Variants in PRR5 observed in about 807,000 individuals in gnomAD.
The protein encoded by PRR5 is proline rich 5, also known as proline-rich protein 5.
In PRR5, 25 loss-of-function variants were observed where a neutral mutation model predicts 30.6. The observed-to-expected ratio is 0.82, with a 90% CI of 0.60 to 1.14. The LOEUF (loss-of-function observed/expected upper bound fraction) is 1.14. PRR5 is among the 50% of genes most tolerant of loss of function. The pLI is 0.00. For synonymous variants in PRR5, 286 were observed against 247.1 expected, an observed-to-expected ratio of 1.16 and a Z score of -1.48; for missense variants, 600 against 547.1, an observed-to-expected ratio of 1.10 and a Z score of -0.96.
intron 1 of PRR5, among the ~76,000 whole-genome samples, chr22:44,687,901 A>C (rs1366001158): frequency 6.6e-6 from 1 of 151,854 alleles, no homozygotes; most frequent in East Asian, 2.0e-4. Flanking sequence ...CAGCCCCCCG[A>C]GTAGCTGGGA....
intron 1 of PRR5, 24 bp from the exon 2 acceptor site, chr22:44,714,567 G>A: frequency 1.2e-6 from 2 of 1,611,612 alleles, no homozygotes; most frequent in Middle Eastern, 3.3e-4. Context: ...CAGGACTGCA[G>A]TGTTTTCTTC....
At chr22:44,701,517 C>T (rs1389081782), upstream of PRR5, among the ~76,000 whole-genome samples, 1 of 152,256 alleles carries the variant, frequency 6.6e-6, no homozygotes, top group Non-Finnish European at 1.5e-5. Context: ...GCAGGAAGCA[C>T]CGGCTGTGCC....
At chr22:44,706,765 C>G (rs1031831592) in intron 1 of PRR5, among the ~76,000 whole-genome samples, 2 of 151,970 alleles carry the variant, frequency 1.3e-5, no homozygotes, top group Non-Finnish European at 2.9e-5. Flanking sequence ...TGACCTCAAG[C>G]AATCCACCTG....
At chr22:44,675,404 T>G (rs1252031381), upstream of PRR5, among the ~76,000 whole-genome samples, 1 of 152,212 alleles carries the variant, frequency 6.6e-6, no homozygotes, top group Non-Finnish European at 1.5e-5. Flanking sequence ...GTTCTGCTTT[T>G]TTCACTCGGT....
chr22:44,678,284 T>G (rs1285288167), intron 1 of PRR5, among the ~76,000 whole-genome samples: 4 of 141,480 alleles, frequency 2.8e-5, no homozygotes, highest in Admixed American at 1.3e-4. Context: ...CTAGTCTGAT[T>G]TTTTTTTGTC....
chr22:44,696,865 T>A (rs938787449), intron 1 of PRR5, among the ~76,000 whole-genome samples: 10 of 152,130 alleles, frequency 6.6e-5, no homozygotes, highest in African/African-American at 2.4e-4. Context: ...GCCTCCCTAG[T>A]AGCTGGGACT....
At chr22:44,684,033 TG>T (rs886665956) in intron 1 of PRR5, among the ~76,000 whole-genome samples, 2 of 152,046 alleles carry the variant, frequency 1.3e-5, no homozygotes, top group East Asian at 3.9e-4. Flanking sequence ...CCGGACTGGG[TG>T]GGGGTGTCGA....
At chr22:44,682,716 A>C (rs193232348) in intron 1 of PRR5, among the ~76,000 whole-genome samples, 1 of 152,320 alleles carries the variant, frequency 6.6e-6, no homozygotes, top group Admixed American at 6.5e-5. Context: ...TCGCAGAGAC[A>C]ATCATGGTAC....
Position 44,691,198 on chromosome 22 carries a change from G to A in PRR5, c.-10-11294G>A, listed in dbSNP as rs1925207004. The stretch of plus-strand genomic sequence containing the variant: ...CCAGGCTTCAGGTAGGAAGATCTGG[G>A]CTGCTTCCGGGAGGATTTGGGTAGA... On this transcript the variant is annotated intron_variant, in intron 1 of 8. Transcript: ENST00000006251. The surrounding 1 kb of genome is among the most constrained non-coding windows in gnomAD (Gnocchi z 4.4). Among the ~76,000 whole-genome samples, 1 of 152,140 alleles carries A rather than the reference G, an allele frequency of 6.6e-6. No homozygotes were observed. The highest frequency in any genetic ancestry group is 2.4e-5 in the African/African-American group (1 of 41,424).
At chr22:44,679,542 T>C in intron 1 of PRR5, 1 of 314,600 alleles carries the variant, frequency 3.2e-6, no homozygotes, top group South Asian at 3.8e-5. Context: ...CCATCTCTAC[T>C]AAAAATACAA....
chr22:44,684,424 G>A (rs1020371154), intron 1 of PRR5, among the ~76,000 whole-genome samples: 15 of 152,228 alleles, frequency 9.9e-5, no homozygotes, highest in African/African-American at 3.6e-4. Context: ...CGGCAGCTGA[G>A]TAGTTCCAGC....
Position 44,732,388 on chromosome 22 carries a change from G to T in PRR5, c.552G>T (p.Leu184=). Residue 184 remains leucine (L), a synonymous_variant, in exon 6 of 8, where the codon CTG becomes CTT. Coordinates refer to ENST00000336985, the MANE Select transcript of PRR5 (RefSeq NM_181333.4). ...PPAIVQMLLV[L]QGVHESRGVT... ...CCATCGTGCAGATGCTGCTGGTGCT[G>T]CAGGTGGGCACAGTGGGCAGAGGGT... 6.2e-7 allele frequency: 1 copy of T among 1,608,104 alleles called. No homozygotes were observed. The highest frequency in any genetic ancestry group is 1.1e-5 in the South Asian group (1 of 90,952).
At chr22:44,679,996 G>A (rs9626232) in intron 1 of PRR5, 78,714 of 974,152 alleles carry the variant, frequency 0.081, 4,374 homozygotes, top group East Asian at 0.27. Flanking sequence ...GAGACCCACG[G>A]GGAATGAGGG....
At chr22:44,733,744 A>C (rs1421600840) in intron 6 of PRR5, among the ~76,000 whole-genome samples, 1 of 152,150 alleles carries the variant, frequency 6.6e-6, no homozygotes, top group African/African-American at 2.4e-5. Context: ...CCCCTGTGTT[A>C]GTGTAGGTGA....
intron 1 of PRR5, among the ~76,000 whole-genome samples, chr22:44,680,929 C>G (rs894887497): frequency 6.6e-6 from 1 of 152,204 alleles, no homozygotes; most frequent in Non-Finnish European, 1.5e-5. Flanking sequence ...AGAGCAGGGT[C>G]GGACTACAAT....
chr22:44,722,872 C>T (rs1174019646), intron 2 of PRR5, among the ~76,000 whole-genome samples: 1 of 152,204 alleles, frequency 6.6e-6, no homozygotes, highest in Non-Finnish European at 1.5e-5. Flanking sequence ...AAACTCCAGC[C>T]AGTCCTCTCT....
At chr22:44,700,858 TCTTA>T, upstream of PRR5, among the ~76,000 whole-genome samples, 1 of 152,270 alleles carries the variant, frequency 6.6e-6, no homozygotes, top group South Asian at 2.1e-4. Context: ...CATGAGGCTC[TCTTA>T]CTTTTTATTT....
intron 2 of PRR5, among the ~76,000 whole-genome samples, chr22:44,722,837 T>C (rs1256772039): frequency 1.3e-5 from 2 of 152,252 alleles, no homozygotes; most frequent in African/African-American, 4.8e-5. Flanking sequence ...ATTTGGGCTT[T>C]TTTTTCCCAG....
intron 1 of PRR5, among the ~76,000 whole-genome samples, chr22:44,692,223 C>T (rs1047249671): frequency 8.5e-5 from 12 of 140,890 alleles, no homozygotes; most frequent in African/African-American, 2.9e-4. Context: ...ACCAGGGGCT[C>T]CTCCACCTGG....
Sources: gnomAD v4.1 joint callset for allele counts (sites outside exome capture counted in the v4.1 genomes callset) on GRCh38, gnomAD v4.1.1 for gene constraint, Gnocchi (gnomAD v3.1) non-coding constraint, MANE v1.5 for transcripts, NCBI Gene and HGNC (gene_info 2026-07-23, HGNC 2026-07-21) for gene names.